The following FCHSD2 variants were observed in gnomAD, a reference collection of about 807,000 sequenced individuals.
FCHSD2 encodes the protein F-BAR and double SH3 domains protein 2.
A neutral mutation model predicts 108.1 loss-of-function variants in FCHSD2; 38 were observed. The observed-to-expected ratio is 0.35, with a 90% CI of 0.27 to 0.46. The LOEUF (loss-of-function observed/expected upper bound fraction) is 0.46, where lower values mean the gene tolerates loss of function less well. Ranked by LOEUF, FCHSD2 falls within the 20% of genes least tolerant of loss-of-function variation. The pLI, the probability that FCHSD2 is intolerant of heterozygous loss-of-function variation, is 1.00. For missense variants in FCHSD2, 751 were observed against 897.8 expected (o/e 0.84, Z 2.09); for synonymous variants, 279 against 314.7 (o/e 0.89, Z 1.20).
intron 12 of FCHSD2, among the ~76,000 whole-genome samples, chr11:72,882,547 T>C (rs1269100430): frequency 6.6e-6 from 1 of 152,200 alleles, no homozygotes. Context: ...TGAAATGTTC[T>C]AAATATAAAG....
At position 72,841,443 on chromosome 11, in the gene FCHSD2, A is replaced by G. The variant is rs774789726; in HGVS notation, c.2056+11T>C. 2 of 1,601,392 alleles carry G rather than the reference A, an allele frequency of 1.2e-6. No homozygotes were observed. The highest frequency in any genetic ancestry group is 1.7e-6 in the Non-Finnish European group (2 of 1,173,280). On this transcript the variant is annotated intron_variant, in intron 18 of 19. Transcript: ENST00000409418. ...AAATGCATTTAGACCCATGCCCAGG[A>G]GAACCCTTACCGTTTGCTGAAGGAG... is the stretch of plus-strand genomic sequence containing the variant.
chr11:72,933,735 T>C (rs140324220), intron 8 of FCHSD2, among the ~76,000 whole-genome samples: 116 of 152,318 alleles, frequency 7.6e-4, no homozygotes, highest in African/African-American at 2.6e-3. Flanking sequence ...AAGCTTAAAG[T>C]AGACAATTTT....
intron 2 of FCHSD2, among the ~76,000 whole-genome samples, chr11:73,090,901 C>A (rs1446492071): frequency 6.6e-6 from 1 of 152,162 alleles, no homozygotes; most frequent in Admixed American, 6.5e-5. Flanking sequence ...ACACTCCAGA[C>A]CCATTAAGTA....
intron 9 of FCHSD2, among the ~76,000 whole-genome samples, chr11:72,917,603 G>C (rs1192938421): frequency 6.6e-6 from 1 of 152,108 alleles, no homozygotes; most frequent in Non-Finnish European, 1.5e-5. Flanking sequence ...TTCGAAGACT[G>C]GGCCGAGTGC....
chr11:73,052,240 A>G (rs571786801), intron 3 of FCHSD2, among the ~76,000 whole-genome samples: 4 of 152,370 alleles, frequency 2.6e-5, no homozygotes, highest in African/African-American at 7.2e-5. Flanking sequence ...ATGAAAAATT[A>G]TAAGTCAATA....
intron 8 of FCHSD2, among the ~76,000 whole-genome samples, chr11:72,953,503 C>A (rs1243727899): frequency 6.6e-6 from 1 of 152,012 alleles, no homozygotes; most frequent in Non-Finnish European, 1.5e-5. Context: ...AATATATCAC[C>A]TAAATCAATT....
chr11:72,989,182 C>T lies in FCHSD2; in HGVS notation c.388-85G>A. 3.9e-6 allele frequency: 4 copies of T among 1,036,796 alleles called. No individual in the cohort carries two copies. In the South Asian group the frequency reaches 5.8e-5, roughly 15 times the overall value. 64.2% of individuals were successfully genotyped at this position (1,036,796 alleles called of 1,614,324 possible). A position where few individuals can be genotyped will look rare whatever the true frequency, so the allele number is the denominator to read the frequency against. ...TTCATCCTAAGGACTATACACTATGCCTTCAGGATGGAAATCCAGGGGAAA... is the reference window on the plus strand; with the variant it reads ...TTCATCCTAAGGACTATACACTATGTCTTCAGGATGGAAATCCAGGGGAAA... On this transcript the variant is annotated intron_variant, in intron 5 of 19. Coordinates refer to ENST00000409418, the MANE Select transcript of FCHSD2 (RefSeq NM_014824.3).
intron 8 of FCHSD2, among the ~76,000 whole-genome samples, chr11:72,954,264 G>A (rs1856672312): frequency 6.8e-6 from 1 of 147,224 alleles, no homozygotes; most frequent in African/African-American, 2.5e-5. Context: ...GGAGTGCAGT[G>A]GCACAGCATG....
intron 8 of FCHSD2, among the ~76,000 whole-genome samples, chr11:72,936,476 T>C (rs927880132): frequency 1.3e-5 from 2 of 152,346 alleles, no homozygotes; most frequent in East Asian, 1.9e-4. Flanking sequence ...TGTGATTTTA[T>C]CAAACTCAAG....
chr11:73,112,333 G>A (rs1165984905), intron 2 of FCHSD2, among the ~76,000 whole-genome samples: 1 of 152,142 alleles, frequency 6.6e-6, no homozygotes, highest in Non-Finnish European at 1.5e-5. Context: ...GGTCTGTAAG[G>A]TTTCCACAGA....
Position 72,984,175 on chromosome 11 carries a change from G to C in FCHSD2, c.618C>G (p.His206Gln). 6.2e-7 allele frequency: 1 copy of C among 1,613,434 alleles called. No individual in the cohort carries two copies. The highest frequency in any genetic ancestry group is 8.5e-7 in the Non-Finnish European group (1 of 1,179,402). The change falls in exon 8 of 20, where the codon CAC becomes CAG. Residue 206 changes from histidine to glutamine, a missense_variant. Coordinates refer to ENST00000409418, the MANE Select transcript of FCHSD2 (RefSeq NM_014824.3). Reference protein sequence around the residue: ...RRSECNSKATHARNDYLLTLA... With the variant: ...RRSECNSKATQARNDYLLTLA... ...GGGTAAGAAGATAATCATTCCTTGCGTGGGTAGCTTTGGAATTACACTCAG... is the reference window on the plus strand; with the variant it reads ...GGGTAAGAAGATAATCATTCCTTGCCTGGGTAGCTTTGGAATTACACTCAG...
intron 12 of FCHSD2, among the ~76,000 whole-genome samples, chr11:72,886,285 C>T (rs1249569720): frequency 6.6e-6 from 1 of 152,300 alleles, no homozygotes; most frequent in East Asian, 1.9e-4. Context: ...ACTCACATCT[C>T]CTTCTTTCCT....
At chr11:72,965,985 AT>A (rs1856898959) in intron 8 of FCHSD2, among the ~76,000 whole-genome samples, 1 of 152,220 alleles carries the variant, frequency 6.6e-6, no homozygotes, top group African/African-American at 2.4e-5. Flanking sequence ...ACATGATTCT[AT>A]TCACATAAAG....
At chr11:72,950,437 T>C (rs771524324) in intron 8 of FCHSD2, among the ~76,000 whole-genome samples, 5 of 152,184 alleles carry the variant, frequency 3.3e-5, no homozygotes, top group Non-Finnish European at 5.9e-5. Context: ...CATTTTTTTT[T>C]TCCCTCAAAG....
At position 72,838,709 on chromosome 11, in the gene FCHSD2, T is replaced by A; in HGVS notation, c.*82A>T. On this transcript the variant is annotated 3_prime_UTR_variant, in exon 20 of 20. Transcript: ENST00000409418. ...TTGCTCTGTTCAAGAGTCATCATCA[T>A]GCAAAGGTGCCTAAAAAACAAGACT... is the stretch of plus-strand genomic sequence containing the variant. 2 of 1,164,926 alleles carry A rather than the reference T, an allele frequency of 1.7e-6. No individual in the cohort carries two copies. Among genetic ancestry groups the A allele is most frequent in the Non-Finnish European group, 2.5e-6 (2 of 797,538 alleles). 72.2% of individuals were successfully genotyped at this position (1,164,926 alleles called of 1,614,324 possible).
In FCHSD2 at chr11:73,105,072, T is replaced by G. The variant is rs536804504; in HGVS notation, c.120-21332A>C. On this transcript the variant is annotated intron_variant, in intron 2 of 19. Transcript: ENST00000409418. The stretch of plus-strand genomic sequence containing the variant: ...CCTTTCCCATCTTATCCTACCTGAC[T>G]TGACAATAACTCTATAAGGTAACCA... 3.3e-5 allele frequency among the ~76,000 whole-genome samples: 5 copies of G among 152,330 alleles called. No homozygotes were observed. The East Asian group carries it at 9.6e-4, about 29-fold the overall frequency.
chr11:73,055,167 G>A (rs1191871171), intron 3 of FCHSD2, among the ~76,000 whole-genome samples: 1 of 151,980 alleles, frequency 6.6e-6, no homozygotes, highest in Non-Finnish European at 1.5e-5. Context: ...GAGAACAACA[G>A]GGGGAAAACC....
At chr11:73,086,607 T>C (rs942593805) in intron 2 of FCHSD2, among the ~76,000 whole-genome samples, 1 of 152,082 alleles carries the variant, frequency 6.6e-6, no homozygotes, top group African/African-American at 2.4e-5. Context: ...AAGTTGGTTC[T>C]TCAGAAAGAT....
At chr11:73,109,132 T>C (rs1226093815) in intron 2 of FCHSD2, among the ~76,000 whole-genome samples, 1 of 152,238 alleles carries the variant, frequency 6.6e-6, no homozygotes, top group Non-Finnish European at 1.5e-5. Context: ...TTTTGTAGTA[T>C]AATTTGAAGT....
Sources: allele counts gnomAD v4.1 joint callset (sites outside exome capture counted in the v4.1 genomes callset), GRCh38; gene constraint gnomAD v4.1.1; transcripts MANE v1.5; gene names NCBI Gene and HGNC (gene_info 2026-07-23, HGNC 2026-07-21).